Variants in EPHA3 observed in about 807,000 individuals in gnomAD.
The protein encoded by EPHA3 is ephrin type-A receptor 3.
A neutral mutation model predicts 107.1 loss-of-function variants in EPHA3; 42 were observed. The ratio of observed to expected loss-of-function variants is 0.39; its 90% CI spans 0.31 to 0.51. The LOEUF is 0.51. EPHA3 is among the 20% of genes least tolerant of loss of function. The pLI is 0.78. For synonymous variants in EPHA3, 461 were observed against 424.8 expected, an observed-to-expected ratio of 1.09 and a Z score of -1.05; for missense variants, 1,183 against 1,211.2, an observed-to-expected ratio of 0.98 and a Z score of 0.35.
rs764025265 is a variant in EPHA3 at position 89,208,597 on chromosome 3, G to GGAAGGAAGGAAA, written c.154-1251_154-1240dup. 6.0e-4 allele frequency among the ~76,000 whole-genome samples: 59 copies of GGAAGGAAGGAAA among 97,738 alleles called. 2 individuals are homozygous for GGAAGGAAGGAAA. Among genetic ancestry groups the GGAAGGAAGGAAA allele is most frequent in the Non-Finnish European group, 1.3e-3 (51 of 38,914 alleles). The allele number at this position is 97,738 out of a possible 152,430, so 64.1% of individuals were successfully genotyped here. A position where few individuals can be genotyped will look rare whatever the true frequency, so the allele number is the denominator to read the frequency against. ...AAGAGAAAGAAAGAAAGAAAGGGAA[G>GGAAGGAAGGAAA]GAAGGAAGGAAAGAAGGAAGGAAGG... On this transcript the variant is annotated intron_variant, in intron 2 of 16. Coordinates refer to ENST00000336596, the MANE Select transcript of EPHA3 (RefSeq NM_005233.6).
chr3:89,232,280 A>C (rs182510698), intron 3 of EPHA3, among the ~76,000 whole-genome samples: 8 of 152,282 alleles, frequency 5.3e-5, no homozygotes, highest in Admixed American at 5.2e-4. Context: ...GTGGTTGGGC[A>C]AGGAAGACTC....
chr3:89,472,734 T>C lies in EPHA3; in HGVS notation c.2846+115T>C, dbSNP rs183184559. ...ATGTTACAAATATTAGTGGTAGATC[T>C]GAGGTACTGACTACCGCCTGGAACT... On this transcript the variant is annotated intron_variant, in intron 16 of 16. Coordinates refer to ENST00000336596, the MANE Select transcript of EPHA3 (RefSeq NM_005233.6). The C allele has an allele frequency of 2.6e-4, 311 of 1,215,852 alleles. 1 individual carries two copies. Among genetic ancestry groups the C allele is most frequent in the Admixed American group, 1.1e-3 (43 of 40,736 alleles). The allele number at this position is 1,215,852 out of a possible 1,614,324, so 75.3% of individuals were successfully genotyped here. A position where few individuals can be genotyped will look rare whatever the true frequency, so the allele number is the denominator to read the frequency against.
At chr3:89,302,495 A>C (rs1243698657) in intron 3 of EPHA3, among the ~76,000 whole-genome samples, 1 of 152,140 alleles carries the variant, frequency 6.6e-6, no homozygotes, top group African/African-American at 2.4e-5. Context: ...GTAGAAGCTG[A>C]GAGTAAGGAA....
chr3:89,131,759 T>C (rs1193599215), intron 2 of EPHA3, among the ~76,000 whole-genome samples: 1 of 152,198 alleles, frequency 6.6e-6, no homozygotes, highest in Non-Finnish European at 1.5e-5. Context: ...TTAGTAATTG[T>C]GGAATTAAAG....
At chr3:89,319,916 T>C (rs1271479455) in intron 3 of EPHA3, among the ~76,000 whole-genome samples, 1 of 151,958 alleles carries the variant, frequency 6.6e-6, no homozygotes, top group Non-Finnish European at 1.5e-5. Flanking sequence ...TAATAAGTAA[T>C]GGTATATATT....
At chr3:89,309,921 T>A (rs1706723886) in intron 3 of EPHA3, among the ~76,000 whole-genome samples, 1 of 148,938 alleles carries the variant, frequency 6.7e-6, no homozygotes, top group Non-Finnish European at 1.5e-5. Context: ...CATTCTCATA[T>A]CCTGTGGTTT....
chr3:89,413,101 A>G (rs1435255530), intron 9 of EPHA3, 40 bp from the exon 10 acceptor site: 1 of 1,608,404 alleles, frequency 6.2e-7, no homozygotes, highest in Non-Finnish European at 8.5e-7. Context: ...GTTTGTACAA[A>G]TCTAGCTACA....
chr3:89,257,146 C>G (rs897378641), intron 3 of EPHA3, among the ~76,000 whole-genome samples: 1 of 152,282 alleles, frequency 6.6e-6, no homozygotes, highest in South Asian at 2.1e-4. Flanking sequence ...AACTATCGAT[C>G]CTTCTCTTAT....
chr3:89,402,492 G>C (rs1417686541), intron 7 of EPHA3, among the ~76,000 whole-genome samples: 1 of 151,846 alleles, frequency 6.6e-6, no homozygotes, highest in Admixed American at 6.6e-5. Flanking sequence ...TTTTGTCTTA[G>C]GAGGTAAAAG....
intron 2 of EPHA3, among the ~76,000 whole-genome samples, chr3:89,173,663 G>A (rs1255588852): frequency 6.6e-6 from 1 of 151,930 alleles, no homozygotes; most frequent in Non-Finnish European, 1.5e-5. Context: ...AAAACCTGAT[G>A]ATGAGCATTG....
chr3:89,218,422 T>C (rs1279608241), intron 3 of EPHA3, among the ~76,000 whole-genome samples: 1 of 151,848 alleles, frequency 6.6e-6, no homozygotes, highest in African/African-American at 2.4e-5. Flanking sequence ...TTGCTGAGAA[T>C]GATGGTTTCC....
chr3:89,117,194 T>C (rs540662203), intron 1 of EPHA3, among the ~76,000 whole-genome samples: 50 of 152,194 alleles, frequency 3.3e-4, no homozygotes, highest in Admixed American at 1.4e-3. Flanking sequence ...TTTTTTCAAT[T>C]AATAGTTAAG....
intron 2 of EPHA3, among the ~76,000 whole-genome samples, chr3:89,181,141 T>C (rs150094019): frequency 1.3e-5 from 2 of 152,164 alleles, no homozygotes; most frequent in African/African-American, 4.8e-5. Flanking sequence ...TAAATGACTT[T>C]TGTATTCTAC....
chr3:89,255,443 A>G (rs1372567938), intron 3 of EPHA3, among the ~76,000 whole-genome samples: 1 of 152,120 alleles, frequency 6.6e-6, no homozygotes, highest in African/African-American at 2.4e-5. Flanking sequence ...TGTAAATACA[A>G]TTTTATTGAA....
intron 2 of EPHA3, among the ~76,000 whole-genome samples, chr3:89,139,796 C>T (rs1704389656): frequency 2.6e-5 from 4 of 151,666 alleles, no homozygotes; most frequent in South Asian, 2.1e-4. Context: ...TTTCATTCCT[C>T]CTCTCTGTGG....
At chr3:89,242,726 TG>T (rs1177249759) in intron 3 of EPHA3, among the ~76,000 whole-genome samples, 1 of 152,048 alleles carries the variant, frequency 6.6e-6, no homozygotes, top group Non-Finnish European at 1.5e-5. Context: ...CTTGAGCCAC[TG>T]TGCCTGGCCT....
chr3:89,311,634 T>A (rs1706767862), intron 3 of EPHA3, among the ~76,000 whole-genome samples: 1 of 152,054 alleles, frequency 6.6e-6, no homozygotes, highest in Non-Finnish European at 1.5e-5. Flanking sequence ...TTTAGAAGAT[T>A]CATGGTCCAA....
intron 2 of EPHA3, among the ~76,000 whole-genome samples, chr3:89,191,369 C>T (rs995084480): frequency 6.6e-6 from 1 of 151,750 alleles, no homozygotes; most frequent in Non-Finnish European, 1.5e-5. Context: ...TGCTGTGGCA[C>T]GATCTCGGCT....
intron 7 of EPHA3, among the ~76,000 whole-genome samples, chr3:89,403,769 A>C (rs1277511840): frequency 6.6e-6 from 1 of 152,184 alleles, no homozygotes; most frequent in Non-Finnish European, 1.5e-5. Flanking sequence ...TTGACAAGTC[A>C]TTTCAAGTCT....
Sources: gnomAD v4.1 joint callset for allele counts (sites outside exome capture counted in the v4.1 genomes callset) on GRCh38, gnomAD v4.1.1 for gene constraint, MANE v1.5 for transcripts, NCBI Gene and HGNC (gene_info 2026-07-23, HGNC 2026-07-21) for gene names.